The following ATF7IP2 variants were observed in gnomAD, a reference collection of about 807,000 sequenced individuals.
The protein encoded by ATF7IP2 is activating transcription factor 7 interacting protein 2, also known as activating transcription factor 7-interacting protein 2.
A neutral mutation model predicts 64.2 loss-of-function variants in ATF7IP2; 42 were observed. The observed-to-expected ratio is 0.65, with a 90% CI of 0.51 to 0.85. ATF7IP2 has a LOEUF of 0.85. ATF7IP2 is among the 40% of genes least tolerant of loss of function. ATF7IP2 has a pLI of 0.00. For missense variants in ATF7IP2, 933 were observed against 784.2 expected (o/e 1.19, Z -2.27); for synonymous variants, 308 against 272.8 (o/e 1.13, Z -1.27).
chr16:10,439,765 C>G (rs2048549268), intron 7 of ATF7IP2, among the ~76,000 whole-genome samples: 1 of 149,476 alleles, frequency 6.7e-6, no homozygotes, highest in African/African-American at 2.5e-5. Flanking sequence ...AACTCCTGAC[C>G]TCAAGTGATC....
At chr16:10,400,327 C>T (rs1423539301) in intron 1 of ATF7IP2, among the ~76,000 whole-genome samples, 1 of 152,222 alleles carries the variant, frequency 6.6e-6, no homozygotes, top group Non-Finnish European at 1.5e-5. Flanking sequence ...AGGCATTAGC[C>T]ACCGTGCCCA....
intron 1 of ATF7IP2, among the ~76,000 whole-genome samples, chr16:10,408,726 ACT>A (rs879151955): frequency 6.6e-6 from 1 of 151,784 alleles, no homozygotes; most frequent in Non-Finnish European, 1.5e-5. Context: ...TGCCTTGTAG[ACT>A]CTAGATATTA....
chr16:10,457,683 G>A (rs974501211), intron 9 of ATF7IP2, 154 bp downstream of exon 9: 2 of 590,406 alleles, frequency 3.4e-6, no homozygotes, highest in South Asian at 3.8e-5. Flanking sequence ...TACTTCAGTT[G>A]TGGGGGTTTT....
chr16:10,441,183 C>G (rs2141931080), intron 8 of ATF7IP2, among the ~76,000 whole-genome samples: 1 of 152,238 alleles, frequency 6.6e-6, no homozygotes, highest in East Asian at 1.9e-4. Flanking sequence ...CAAGTCTTTG[C>G]TATTGTAAAT....
At chr16:10,422,341 A>G (rs1050160864) in intron 3 of ATF7IP2, among the ~76,000 whole-genome samples, 4 of 151,848 alleles carry the variant, frequency 2.6e-5, no homozygotes, top group Non-Finnish European at 5.9e-5. Flanking sequence ...AACTTTGCAA[A>G]TTTTTTCCTA....
chr16:10,390,401 A>G (rs889877845), intron 1 of ATF7IP2, among the ~76,000 whole-genome samples: 1 of 152,248 alleles, frequency 6.6e-6, no homozygotes, highest in Admixed American at 6.5e-5. Context: ...ATAAATATCA[A>G]ATTATAAGGT....
At chr16:10,449,987 T>A (rs2048934190) in intron 8 of ATF7IP2, among the ~76,000 whole-genome samples, 1 of 152,224 alleles carries the variant, frequency 6.6e-6, no homozygotes, top group African/African-American at 2.4e-5. Context: ...AACACTGTTT[T>A]AAATGTGTCC....
At chr16:10,433,697 C>T (rs1159532199) in intron 6 of ATF7IP2, 48 bp downstream of exon 6, 1 of 1,590,926 alleles carries the variant, frequency 6.3e-7, no homozygotes, top group African/African-American at 1.4e-5. Flanking sequence ...ATTAGTAAAA[C>T]ATGGTAAAAG....
chr16:10,465,506 G>C (rs1035235586), intron 9 of ATF7IP2, among the ~76,000 whole-genome samples: 7 of 151,662 alleles, frequency 4.6e-5, no homozygotes, highest in Non-Finnish European at 1.0e-4. Flanking sequence ...CAGCACTTTG[G>C]GAGGCCGAGG....
chr16:10,482,045 G>T lies in ATF7IP2; in HGVS notation c.1845G>T (p.Leu615=), dbSNP rs2050251530. The T allele has an allele frequency of 6.2e-7, 1 of 1,613,870 alleles. No individual in the cohort carries two copies. Among genetic ancestry groups the T allele is most frequent in the African/African-American group, 1.3e-5 (1 of 75,004 alleles). Residue 615 remains leucine, a synonymous_variant, in exon 14 of 14, where the codon CTG becomes CTT. Transcript: ENST00000562102. ...CAPVESYHLF[L]CHENSNNKLI... is the part of the protein sequence containing the mutation. ...CTGTAGAAAGCTACCACCTCTTCCTGTGTCATGAGAACTCTAATAATAAGT... is the reference window on the plus strand; with the variant it reads ...CTGTAGAAAGCTACCACCTCTTCCTTTGTCATGAGAACTCTAATAATAAGT...
intron 9 of ATF7IP2, among the ~76,000 whole-genome samples, chr16:10,470,101 C>G (rs528379429): frequency 5.9e-5 from 9 of 152,078 alleles, no homozygotes; most frequent in Non-Finnish European, 1.2e-4. Context: ...TATAGACTGA[C>G]AGACATTGTA....
At chr16:10,392,330 C>T (rs111301943) in intron 1 of ATF7IP2, among the ~76,000 whole-genome samples, 2,245 of 150,208 alleles carry the variant, frequency 0.015, 34 homozygotes, top group Non-Finnish European at 0.02. Flanking sequence ...TGAGCCACTG[C>T]GCCTGGCCTT....
chr16:10,428,646 T>C (rs1286698688), intron 3 of ATF7IP2, among the ~76,000 whole-genome samples: 1 of 152,188 alleles, frequency 6.6e-6, no homozygotes, highest in African/African-American at 2.4e-5. Context: ...TGGTCTCTGG[T>C]GCCTGGCACC....
chr16:10,478,948 G>C (rs1242719209), intron 12 of ATF7IP2, among the ~76,000 whole-genome samples: 3 of 152,042 alleles, frequency 2.0e-5, no homozygotes, highest in African/African-American at 7.2e-5. Flanking sequence ...AAACCACAAT[G>C]AGATACCATC....
chr16:10,444,891 G>A (rs2048751237), intron 8 of ATF7IP2, among the ~76,000 whole-genome samples: 1 of 152,054 alleles, frequency 6.6e-6, no homozygotes, highest in Admixed American at 6.6e-5. Context: ...TACATTATTA[G>A]CAGTTGCATT....
At chr16:10,417,593 G>C (rs2047904917) in intron 2 of ATF7IP2, among the ~76,000 whole-genome samples, 1 of 152,062 alleles carries the variant, frequency 6.6e-6, no homozygotes, top group African/African-American at 2.4e-5. Flanking sequence ...TATTACTATA[G>C]TTAAAGAAAG....
chr16:10,424,275 G>T (rs1299598395), intron 3 of ATF7IP2, among the ~76,000 whole-genome samples: 2 of 152,186 alleles, frequency 1.3e-5, no homozygotes, highest in African/African-American at 2.4e-5. Flanking sequence ...CTGCTGCAGA[G>T]ATTTTGTTTA....
At position 10,419,331 on chromosome 16, in the gene ATF7IP2, C is replaced by T. The variant is rs1047064446; in HGVS notation, c.-202-250C>T. ...GAAATATTCCTAACAGTTCCTTCCT[C>T]ATGTGGGTGAGACGGGCCTCTATTA... On this transcript the variant is annotated intron_variant, in intron 2 of 13. Coordinates refer to ENST00000562102, the MANE Select transcript of ATF7IP2 (RefSeq NM_001393719.1). Among the ~76,000 whole-genome samples the T allele has an allele frequency of 1.7e-3, 265 of 152,228 alleles. 3 individuals carry two copies. Among genetic ancestry groups the T allele is most frequent in the Non-Finnish European group, 6.6e-4 (45 of 68,024 alleles).
chr16:10,436,922 CATTAAT>C (rs2048437832), intron 6 of ATF7IP2, among the ~76,000 whole-genome samples: 1 of 151,602 alleles, frequency 6.6e-6, no homozygotes, highest in Non-Finnish European at 1.5e-5. Flanking sequence ...AAGATAAGTT[CATTAAT>C]TTTTCATATT....
Sources: gnomAD v4.1 joint callset for allele counts (sites outside exome capture counted in the v4.1 genomes callset) on GRCh38, gnomAD v4.1.1 for gene constraint, MANE v1.5 for transcripts, NCBI Gene and HGNC (gene_info 2026-07-23, HGNC 2026-07-21) for gene names.